The following STUM variants were observed in gnomAD, a reference collection of about 807,000 sequenced individuals.
STUM encodes protein stum homolog.
In STUM, 8 loss-of-function variants were observed where a neutral mutation model predicts 15.3. The observed-to-expected ratio is 0.52, with a 90% CI of 0.31 to 0.94. The LOEUF is 0.94. Among genes scored for constraint, STUM ranks in the 40% least tolerant of loss-of-function variants. The pLI is 0.05. For synonymous variants in STUM, 78 were observed against 88.7 expected (o/e 0.88, Z 0.68); for missense variants, 142 against 204.9 (o/e 0.69, Z 1.87).
In STUM at chr1:226,548,782, G is replaced by A. The variant is rs1667314316; in HGVS notation, c.-123G>A. ...AGTCTCCGCGAGCCGCGCGGCGCACGGAGCACGGCGGCCGCCTGAGCTCGG... is the reference window on the plus strand; with the variant it reads ...AGTCTCCGCGAGCCGCGCGGCGCACAGAGCACGGCGGCCGCCTGAGCTCGG... On this transcript the variant is annotated 5_prime_UTR_variant, in exon 1 of 4. Transcript: ENST00000366788. 8 of 766,620 alleles carry A rather than the reference G, an allele frequency of 1.0e-5. No homozygotes were observed. Among genetic ancestry groups the A allele is most frequent in the East Asian group, 4.1e-5 (1 of 24,646 alleles). 47.5% of individuals were successfully genotyped at this position (766,620 alleles called of 1,614,324 possible). A position where few individuals can be genotyped will look rare whatever the true frequency, so the allele number is the denominator to read the frequency against.
intron 1 of STUM, among the ~76,000 whole-genome samples, chr1:226,568,324 G>A (rs975408997): frequency 5.3e-5 from 8 of 152,190 alleles, no homozygotes; most frequent in Non-Finnish European, 1.2e-4. Flanking sequence ...GCGGGTTCAG[G>A]GCTGCCGTCA....
chr1:226,559,090 C>A (rs1270249798), intron 1 of STUM, among the ~76,000 whole-genome samples: 3 of 152,216 alleles, frequency 2.0e-5, no homozygotes, highest in African/African-American at 7.2e-5. Context: ...GATGAAGTAA[C>A]TTTTCTTGAA....
At chr1:226,564,034 T>C (rs1667583453) in intron 1 of STUM, among the ~76,000 whole-genome samples, 2 of 152,182 alleles carry the variant, frequency 1.3e-5, no homozygotes, top group South Asian at 4.1e-4. Flanking sequence ...GGCTGAACTC[T>C]GAGGCTGATA....
rs757820860 is a variant in STUM, at chr1:226,607,643, T to A, written c.*5603T>A. The A allele has an allele frequency of 3.3e-5, 5 of 152,442 alleles. No homozygotes were observed. Among genetic ancestry groups the A allele is most frequent in the African/African-American group, 1.2e-4 (5 of 41,464 alleles). 9.4% of individuals were successfully genotyped at this position (152,442 alleles called of 1,614,324 possible). ...CCCCAATTCCACTCTCCCCTCCTGA[T>A]GCTACCGCAGAGGGCAGAAAGGTGC... On this transcript the variant is annotated 3_prime_UTR_variant, in exon 4 of 4. Transcript: ENST00000366788.
chr1:226,554,843 G>A (rs1020813468), intron 1 of STUM, among the ~76,000 whole-genome samples: 1 of 152,166 alleles, frequency 6.6e-6, no homozygotes, highest in Non-Finnish European at 1.5e-5. Context: ...TTCCCTGAAA[G>A]AGCTGTCTGT....
In STUM at chr1:226,593,185, CA is replaced by C. The variant is rs72490675; in HGVS notation, c.203-3599del. 1.4e-3 allele frequency among the ~76,000 whole-genome samples: 173 copies of C among 125,282 alleles called. 3 individuals carry two copies. Among genetic ancestry groups the C allele is most frequent in the East Asian group, 6.0e-3 (26 of 4,306 alleles). 82.2% of individuals were successfully genotyped at this position (125,282 alleles called of 152,430 possible). Reference sequence around the variant, plus strand: ...TGGGGGACAGAGTGAGACTCCGTCTCAAAAAAAAAAAAAAAAAATCCACCCT... The same window carrying C: ...TGGGGGACAGAGTGAGACTCCGTCTCAAAAAAAAAAAAAAAAATCCACCCT... On this transcript the variant is annotated intron_variant, in intron 1 of 3. Coordinates refer to ENST00000366788, the MANE Select transcript of STUM (RefSeq NM_001003665.4).
At position 226,567,658 on chromosome 1, in the gene STUM, T is replaced by G. The variant is rs1667645240; in HGVS notation, c.202+18552T>G. Among the ~76,000 whole-genome samples, 1 of 152,202 alleles carries G rather than the reference T, an allele frequency of 6.6e-6. No homozygotes were observed. The highest frequency in any genetic ancestry group is 1.5e-5 in the Non-Finnish European group (1 of 68,036). On this transcript the variant is annotated intron_variant, in intron 1 of 3. Coordinates refer to ENST00000366788, the MANE Select transcript of STUM (RefSeq NM_001003665.4). The surrounding 1 kb of genome is among the most constrained non-coding windows in gnomAD (Gnocchi z 4.5). The stretch of plus-strand genomic sequence containing the variant: ...TGAACAGGTAAGACAGAGAATTTTC[T>G]AATAGCCAAACACACATTGGAGAAG...
Position 226,608,096 on chromosome 1 carries a change from C to G in STUM, c.*6056C>G, listed in dbSNP as rs957790796. On this transcript the variant is annotated 3_prime_UTR_variant, in exon 4 of 4. Coordinates refer to ENST00000366788, the MANE Select transcript of STUM (RefSeq NM_001003665.4). This position sits in a 1 kb window ranked among gnomAD's most constrained non-coding sequence, Gnocchi z 4.0. ...GTGGATCTCTTCCTCCCATGCACTC[C>G]TAGGGTGAATGGGCTCAGCACCAAA... 6.6e-6 allele frequency: 1 copy of G among 152,382 alleles called. No homozygotes were observed. The highest frequency in any genetic ancestry group is 2.4e-5 in the African/African-American group (1 of 41,458). 9.4% of individuals were successfully genotyped at this position (152,382 alleles called of 1,614,324 possible). A position where few individuals can be genotyped will look rare whatever the true frequency, so the allele number is the denominator to read the frequency against.
At chr1:226,569,619 T>A (rs1667675102) in intron 1 of STUM, among the ~76,000 whole-genome samples, 2 of 152,170 alleles carry the variant, frequency 1.3e-5, no homozygotes, top group South Asian at 4.1e-4. Context: ...GACTCAATAT[T>A]AGCAGAAATG....
In STUM at chr1:226,548,845, C is replaced by T. The variant is rs1230706289; in HGVS notation, c.-60C>T. On this transcript the variant is annotated 5_prime_UTR_variant, in exon 1 of 4. Coordinates refer to ENST00000366788, the MANE Select transcript of STUM (RefSeq NM_001003665.4). Reference sequence around the variant, plus strand: ...AGCCCGCAGCCGACAGTCTCCTGCTCCCGTACGCTGGGCGCCAGCTCCGGC... The same window carrying T: ...AGCCCGCAGCCGACAGTCTCCTGCTTCCGTACGCTGGGCGCCAGCTCCGGC... The T allele has an allele frequency of 7.9e-6, 10 of 1,263,118 alleles. No homozygotes were observed. The highest frequency in any genetic ancestry group is 9.0e-6 in the Non-Finnish European group (9 of 1,001,110). 78.2% of individuals were successfully genotyped at this position (1,263,118 alleles called of 1,614,324 possible).
chr1:226,599,673 A>T (rs1370302911), intron 2 of STUM, among the ~76,000 whole-genome samples: 1 of 152,264 alleles, frequency 6.6e-6, no homozygotes, highest in Admixed American at 6.5e-5. Context: ...GGGAGTTAAC[A>T]TCAGGAAGTT....
At position 226,575,082 on chromosome 1, in the gene STUM, C is replaced by T. The variant is rs149239326; in HGVS notation, c.203-21720C>T. On this transcript the variant is annotated intron_variant, in intron 1 of 3. Transcript: ENST00000366788. Reference sequence around the variant, plus strand: ...AGCAGGCCTGTGAAGTAGGTGCTAGCGGGAGGAGAGCCTTGGGCACAGAGA... The same window carrying T: ...AGCAGGCCTGTGAAGTAGGTGCTAGTGGGAGGAGAGCCTTGGGCACAGAGA... Among the ~76,000 whole-genome samples, 67 of 152,260 alleles carry T rather than the reference C, an allele frequency of 4.4e-4. No homozygotes were observed. The East Asian group carries it at 0.011, about 26-fold the overall frequency.
intron 1 of STUM, among the ~76,000 whole-genome samples, chr1:226,580,349 T>G (rs1667898698): frequency 6.6e-6 from 1 of 152,038 alleles, no homozygotes; most frequent in South Asian, 2.1e-4. Context: ...TTGTCAGTGG[T>G]CTGGAGCTCA....
intron 1 of STUM, among the ~76,000 whole-genome samples, chr1:226,577,890 A>C (rs1045762044): frequency 6.6e-6 from 1 of 151,980 alleles, no homozygotes; most frequent in Non-Finnish European, 1.5e-5. Context: ...GAGTGCAAAA[A>C]CCCAAAGTCA....
chr1:226,548,949 G>T lies in STUM; in HGVS notation c.45G>T (p.Ala15=), dbSNP rs1184657534. The change falls in exon 1 of 4, where the codon GCG becomes GCT. Residue 15 remains alanine (A), a synonymous_variant. Coordinates refer to ENST00000366788, the MANE Select transcript of STUM (RefSeq NM_001003665.4). Reference sequence around the variant, plus strand: ...ACGCCGAGACGGCGGCGGCGGCGGCGGCGGTGGCGGCGGCGGACCCCCGGG... The same window carrying T: ...ACGCCGAGACGGCGGCGGCGGCGGCTGCGGTGGCGGCGGCGGACCCCCGGG... ...HKDAETAAAA[A]AVAAADPRGA... The T allele has an allele frequency of 1.4e-6, 2 of 1,461,954 alleles. No individual in the cohort carries two copies. Among genetic ancestry groups the T allele is most frequent in the African/African-American group, 1.5e-5 (1 of 66,996 alleles). The allele number at this position is 1,461,954 out of a possible 1,614,324, so 90.6% of individuals were successfully genotyped here. A position where few individuals can be genotyped will look rare whatever the true frequency, so the allele number is the denominator to read the frequency against.
chr1:226,582,642 C>T (rs546907799), intron 1 of STUM, among the ~76,000 whole-genome samples: 2 of 151,970 alleles, frequency 1.3e-5, no homozygotes, highest in East Asian at 3.9e-4. Flanking sequence ...AAGGGTCACC[C>T]CAAAGTCAAT....
At chr1:226,574,633 G>A (rs1010602370) in intron 1 of STUM, among the ~76,000 whole-genome samples, 1 of 152,218 alleles carries the variant, frequency 6.6e-6, no homozygotes, top group Non-Finnish European at 1.5e-5. Flanking sequence ...TGGGGGAGAC[G>A]AGGACCCCAA....
At chr1:226,591,905 C>T (rs891807380) in intron 1 of STUM, among the ~76,000 whole-genome samples, 2 of 152,034 alleles carry the variant, frequency 1.3e-5, no homozygotes, top group East Asian at 3.8e-4. Context: ...CAGCTCCCAC[C>T]GAGTCAGGAC....
intron 1 of STUM, among the ~76,000 whole-genome samples, chr1:226,560,453 G>A (rs1352288367): frequency 6.6e-6 from 1 of 152,216 alleles, no homozygotes; most frequent in Non-Finnish European, 1.5e-5. Flanking sequence ...CCAGGCTATG[G>A]AACATTGTTT....
Sources: gnomAD v4.1 joint callset for allele counts (sites outside exome capture counted in the v4.1 genomes callset) on GRCh38, gnomAD v4.1.1 for gene constraint, Gnocchi (gnomAD v3.1) non-coding constraint, MANE v1.5 for transcripts, NCBI Gene and HGNC (gene_info 2026-07-23, HGNC 2026-07-21) for gene names.